PPP3CA: variants seen among roughly 807,000 people sequenced by gnomAD.
The protein encoded by PPP3CA is protein phosphatase 3 catalytic subunit alpha, also known as CAM-PRP catalytic subunit.
A neutral mutation model predicts 66.5 loss-of-function variants in PPP3CA; 14 were observed. The ratio of observed to expected loss-of-function variants is 0.21; its 90% CI spans 0.14 to 0.33. The LOEUF (loss-of-function observed/expected upper bound fraction) is 0.33, where lower values mean the gene tolerates loss of function less well. Among genes scored for constraint, PPP3CA ranks in the 10% least tolerant of loss-of-function variants. PPP3CA has a pLI of 1.00. For missense variants in PPP3CA, 317 were observed against 639.5 expected (o/e 0.50, Z 5.44); for synonymous variants, 232 against 226.2 (o/e 1.03, Z -0.23).
chr4:101,168,996 A>G (rs1337660315), intron 2 of PPP3CA, among the ~76,000 whole-genome samples: 1 of 152,192 alleles, frequency 6.6e-6, no homozygotes, highest in Non-Finnish European at 1.5e-5. Flanking sequence ...ATGATCAATA[A>G]TATGTACTGA....
intron 4 of PPP3CA, among the ~76,000 whole-genome samples, chr4:101,098,761 G>A (rs544168980): frequency 2.6e-5 from 4 of 152,000 alleles, no homozygotes; most frequent in African/African-American, 9.7e-5. Flanking sequence ...TATAGCAAGA[G>A]AATTTTTATA....
intron 1 of PPP3CA, among the ~76,000 whole-genome samples, chr4:101,318,499 C>A (rs939147961): frequency 6.6e-6 from 1 of 152,094 alleles, no homozygotes; most frequent in Non-Finnish European, 1.5e-5. Flanking sequence ...TCATACTTAC[C>A]ACCTAACAAA....
chr4:101,336,941 C>T lies in PPP3CA; in HGVS notation c.58+9798G>A, dbSNP rs548562641. Among the ~76,000 whole-genome samples the T allele has an allele frequency of 1.3e-4, 20 of 152,252 alleles. 1 individual carries two copies. Among genetic ancestry groups the T allele is most frequent in the Admixed American group, 3.9e-4 (6 of 15,282 alleles). Reference sequence around the variant, plus strand: ...TTGTAGGCCTAAATTCAGGCATGAGCAAGTGTAAGAGATCAAAGGTCTCCC... The same window carrying T: ...TTGTAGGCCTAAATTCAGGCATGAGTAAGTGTAAGAGATCAAAGGTCTCCC... On this transcript the variant is annotated intron_variant, in intron 1 of 13. Transcript: ENST00000394854.
chr4:101,049,347 G>A (rs749305529), intron 10 of PPP3CA, among the ~76,000 whole-genome samples: 2 of 151,908 alleles, frequency 1.3e-5, no homozygotes. Flanking sequence ...AGAGGATATT[G>A]CTCCCCCTGC....
At chr4:101,256,576 T>C (rs1409488760) in intron 1 of PPP3CA, among the ~76,000 whole-genome samples, 1 of 151,958 alleles carries the variant, frequency 6.6e-6, no homozygotes, top group Non-Finnish European at 1.5e-5. Flanking sequence ...AAATAAACCA[T>C]ATCTACAATA....
chr4:101,230,721 G>A (rs1725934466), intron 1 of PPP3CA, among the ~76,000 whole-genome samples: 1 of 151,494 alleles, frequency 6.6e-6, no homozygotes, highest in Non-Finnish European at 1.5e-5. Flanking sequence ...GCCTGCATAG[G>A]TAAAGTCTAA....
At chr4:101,285,599 A>ATGTGTGTGTGTG (rs56681112) in intron 1 of PPP3CA, among the ~76,000 whole-genome samples, 51 of 124,590 alleles carry the variant, frequency 4.1e-4, no homozygotes, top group East Asian at 9.6e-4. Flanking sequence ...CACTGTGTGT[A>ATGTGTGTGTGTG]TGTGTGTGTG....
intron 1 of PPP3CA, among the ~76,000 whole-genome samples, chr4:101,218,040 T>C (rs1406332061): frequency 6.6e-6 from 1 of 152,140 alleles, no homozygotes; most frequent in East Asian, 1.9e-4. Flanking sequence ...TTACTCATCT[T>C]CATTTTTTGG....
chr4:101,291,355 T>G (rs1728017763), intron 1 of PPP3CA, among the ~76,000 whole-genome samples: 1 of 152,190 alleles, frequency 6.6e-6, no homozygotes, highest in African/African-American at 2.4e-5. Context: ...GAGTCTGTAT[T>G]GGCATGCATT....
At chr4:101,177,814 G>A (rs1724110165) in intron 2 of PPP3CA, among the ~76,000 whole-genome samples, 1 of 149,782 alleles carries the variant, frequency 6.7e-6, no homozygotes. Flanking sequence ...TACCAGGAAT[G>A]ACTGTTGAAT....
intron 1 of PPP3CA, among the ~76,000 whole-genome samples, chr4:101,214,844 T>C (rs1023055572): frequency 2.0e-5 from 3 of 152,120 alleles, no homozygotes; most frequent in Non-Finnish European, 2.9e-5. Context: ...AAATCCACAA[T>C]CACTGACACT....
intron 2 of PPP3CA, among the ~76,000 whole-genome samples, chr4:101,186,304 G>A (rs1724407778): frequency 1.3e-5 from 2 of 152,112 alleles, no homozygotes; most frequent in South Asian, 4.1e-4. Context: ...ACATTTTTCT[G>A]ATTTAAATGT....
chr4:101,067,948 G>A (rs1170939070), intron 8 of PPP3CA, among the ~76,000 whole-genome samples: 4 of 152,006 alleles, frequency 2.6e-5, no homozygotes, highest in Non-Finnish European at 4.4e-5. Flanking sequence ...GGTGTCCAGA[G>A]GAATACAAAG....
At chr4:101,086,513 C>A in intron 6 of PPP3CA, among the ~76,000 whole-genome samples, 1 of 152,056 alleles carries the variant, frequency 6.6e-6, no homozygotes, top group East Asian at 1.9e-4. Context: ...ACTCTTTAGC[C>A]ATGACATAGC....
chr4:101,187,834 T>C (rs1304299824), intron 2 of PPP3CA, among the ~76,000 whole-genome samples: 1 of 152,148 alleles, frequency 6.6e-6, no homozygotes. Context: ...CTGATTATAA[T>C]GCTTTGTAAG....
At position 101,214,394 on chromosome 4, in the gene PPP3CA, T is replaced by A. The variant is rs141607462; in HGVS notation, c.59-18278A>T. Among the ~76,000 whole-genome samples the A allele has an allele frequency of 2.0e-5, 3 of 152,228 alleles. No homozygotes were observed. In the East Asian group the frequency reaches 5.8e-4, roughly 29 times the overall value. ...AAAACAATGCCTGACATGTACTAAG[T>A]GGTCAATAAACATTTATCATTATCA... is the stretch of plus-strand genomic sequence containing the variant. On this transcript the variant is annotated intron_variant, in intron 1 of 13. Transcript: ENST00000394854.
At chr4:101,094,144 T>C (rs1191693534) in intron 5 of PPP3CA, among the ~76,000 whole-genome samples, 1 of 152,140 alleles carries the variant, frequency 6.6e-6, no homozygotes, top group Non-Finnish European at 1.5e-5. Context: ...GATCATTTAG[T>C]ATCTATCTTC....
In PPP3CA at chr4:101,106,471, A is replaced by AAAG. The variant is rs1560605284; in HGVS notation, c.384+2482_384+2483insCTT. Among the ~76,000 whole-genome samples, 89 of 64,478 alleles carry AAAG rather than the reference A, an allele frequency of 1.4e-3. 23 individuals are homozygous for AAAG. Among genetic ancestry groups the AAAG allele is most frequent in the African/African-American group, 8.2e-3 (70 of 8,574 alleles). The allele number at this position is 64,478 out of a possible 152,430, so 42.3% of individuals were successfully genotyped here. Reference sequence around the variant, plus strand: ...AAAGAAAGAGAAAAGAAAAGAAAAGAAAAGAAAAGAAAAGAAAAGAAAAGA... The same window carrying AAAG: ...AAAGAAAGAGAAAAGAAAAGAAAAGAAAGAAAGAAAAGAAAAGAAAAGAAAAGA... On this transcript the variant is annotated intron_variant, in intron 3 of 13. Transcript: ENST00000394854.
At chr4:101,197,756 C>T (rs1724846415) in intron 1 of PPP3CA, among the ~76,000 whole-genome samples, 1 of 151,976 alleles carries the variant, frequency 6.6e-6, no homozygotes, top group African/African-American at 2.4e-5. Flanking sequence ...TTATTTAGCC[C>T]CCATAACATT....
Sources: allele counts gnomAD v4.1 joint callset (sites outside exome capture counted in the v4.1 genomes callset), GRCh38; gene constraint gnomAD v4.1.1; transcripts MANE v1.5; gene names NCBI Gene and HGNC (gene_info 2026-07-23, HGNC 2026-07-21).